Variants in SGIP1 observed in about 807,000 individuals in gnomAD.
SGIP1 encodes the protein SH3-containing GRB2-like protein 3-interacting protein 1.
A neutral mutation model predicts 107.5 loss-of-function variants in SGIP1; 38 were observed. The ratio of observed to expected loss-of-function variants is 0.35; its 90% CI spans 0.27 to 0.46. The LOEUF is 0.46. SGIP1 is among the 20% of genes least tolerant of loss of function. The pLI is 1.00. For missense variants in SGIP1, 929 were observed against 1,019.5 expected (o/e 0.91, Z 1.21); for synonymous variants, 365 against 366.1 (o/e 1.00, Z 0.03).
chr1:66,550,168 C>T (rs771444786), intron 1 of SGIP1, among the ~76,000 whole-genome samples: 1 of 152,144 alleles, frequency 6.6e-6, no homozygotes, highest in Non-Finnish European at 1.5e-5. Context: ...GGCCATAAAT[C>T]TAATCTTCAG....
chr1:66,700,100 G>A (rs1418350276), intron 18 of SGIP1, among the ~76,000 whole-genome samples: 1 of 152,152 alleles, frequency 6.6e-6, no homozygotes, highest in Non-Finnish European at 1.5e-5. Context: ...GTGGAGCGCA[G>A]TGGCTCACGC....
At chr1:66,733,639 T>C (rs2094114627) in intron 20 of SGIP1, 109 bp from the exon 21 acceptor site, 1 of 1,145,670 alleles carries the variant, frequency 8.7e-7, no homozygotes, top group South Asian at 1.6e-5. Flanking sequence ...CTCTACAAAT[T>C]GTCAAAAAAT....
chr1:66,573,094 G>T (rs1341459122), intron 1 of SGIP1, among the ~76,000 whole-genome samples: 3 of 151,990 alleles, frequency 2.0e-5, no homozygotes, highest in Non-Finnish European at 2.9e-5. Context: ...TTGGTGTAGG[G>T]TTTCTTCGTG....
intron 5 of SGIP1, among the ~76,000 whole-genome samples, chr1:66,640,315 C>T (rs2076539388): frequency 6.6e-6 from 1 of 152,162 alleles, no homozygotes; most frequent in African/African-American, 2.4e-5. Context: ...CCTGCCTAGC[C>T]TGTAGTATTT....
intron 16 of SGIP1, among the ~76,000 whole-genome samples, 168 bp from the exon 17 acceptor site, chr1:66,690,022 A>G (rs765312414): frequency 6.6e-6 from 1 of 152,246 alleles, no homozygotes; most frequent in Non-Finnish European, 1.5e-5. Context: ...CTCCAGCTCC[A>G]TTCCACAAAC....
At chr1:66,617,389 C>G (rs2069636838) in intron 1 of SGIP1, among the ~76,000 whole-genome samples, 1 of 152,116 alleles carries the variant, frequency 6.6e-6, no homozygotes, top group South Asian at 2.1e-4. Flanking sequence ...CTTCTGATGA[C>G]AAAGAATCTG....
intron 1 of SGIP1, among the ~76,000 whole-genome samples, chr1:66,589,788 A>G (rs1356527975): frequency 6.6e-6 from 1 of 152,138 alleles, no homozygotes; most frequent in African/African-American, 2.4e-5. Flanking sequence ...TAAACCCTCC[A>G]TGGCCTATAC....
intron 3 of SGIP1, 101 bp downstream of exon 3, chr1:66,633,195 C>T (rs1436062181): frequency 2.6e-6 from 2 of 772,162 alleles, no homozygotes; most frequent in Non-Finnish European, 4.4e-6. Flanking sequence ...AAAAAAATAG[C>T]TTGAATGACT....
intron 7 of SGIP1, 157 bp downstream of exon 7, chr1:66,643,876 G>C (rs2077193363): frequency 1.7e-6 from 1 of 578,382 alleles, no homozygotes. Flanking sequence ...ATTCTAGCTT[G>C]AGAAAATTGT....
intron 18 of SGIP1, among the ~76,000 whole-genome samples, chr1:66,716,054 G>C (rs1183679041): frequency 6.6e-6 from 1 of 152,062 alleles, no homozygotes; most frequent in East Asian, 1.9e-4. Flanking sequence ...CATCATCCCT[G>C]CCAAAGATCA....
At chr1:66,661,654 T>G (rs116221741) in intron 8 of SGIP1, among the ~76,000 whole-genome samples, 24 of 152,342 alleles carry the variant, frequency 1.6e-4, no homozygotes, top group Non-Finnish European at 2.8e-4. Context: ...AGCAAAATAT[T>G]ACTGGTGCTC....
intron 8 of SGIP1, among the ~76,000 whole-genome samples, chr1:66,662,053 A>G (rs185422048): frequency 6.6e-6 from 1 of 152,342 alleles, no homozygotes; most frequent in East Asian, 1.9e-4. Flanking sequence ...AACTTGTAAT[A>G]TGTAGTCGAC....
chr1:66,678,179 C>T (rs2085813688), intron 13 of SGIP1, among the ~76,000 whole-genome samples: 1 of 152,178 alleles, frequency 6.6e-6, no homozygotes, highest in Non-Finnish European at 1.5e-5. Flanking sequence ...CCCTGCAAAA[C>T]AAAACTAGTG....
intron 1 of SGIP1, among the ~76,000 whole-genome samples, chr1:66,537,343 T>C (rs2053863123): frequency 1.3e-5 from 2 of 152,144 alleles, no homozygotes; most frequent in Non-Finnish European, 2.9e-5. Context: ...TTATTAACTA[T>C]GGAGTGTACA....
intron 5 of SGIP1, among the ~76,000 whole-genome samples, chr1:66,641,819 G>C (rs2076848068): frequency 6.6e-6 from 1 of 152,054 alleles, no homozygotes; most frequent in Admixed American, 6.6e-5. Context: ...GGGAGTACCA[G>C]CACTCTCCCA....
chr1:66,644,142 G>A (rs2077246704), intron 7 of SGIP1: 2 of 152,206 alleles, frequency 1.3e-5, no homozygotes, highest in Non-Finnish European at 2.9e-5. Context: ...GAAGGAAACT[G>A]GTTATTTTTT....
intron 1 of SGIP1, among the ~76,000 whole-genome samples, chr1:66,555,666 G>A (rs1053979183): frequency 2.6e-5 from 4 of 152,116 alleles, no homozygotes; most frequent in African/African-American, 7.2e-5. Flanking sequence ...TAGTTTCAGA[G>A]AATTGCTTTG....
intron 1 of SGIP1, among the ~76,000 whole-genome samples, chr1:66,611,711 C>A (rs1181509777): frequency 1.3e-5 from 2 of 152,096 alleles, no homozygotes; most frequent in Non-Finnish European, 2.9e-5. Context: ...AAGAAAGAGA[C>A]CTAACAGCAC....
chr1:66,727,170 T>C (rs548876164), intron 19 of SGIP1, among the ~76,000 whole-genome samples: 2 of 152,296 alleles, frequency 1.3e-5, no homozygotes, highest in South Asian at 2.1e-4. Context: ...CTGCAAATTA[T>C]ATATCTGATA....
Sources: allele counts gnomAD v4.1 joint callset (sites outside exome capture counted in the v4.1 genomes callset), GRCh38; gene constraint gnomAD v4.1.1; transcripts MANE v1.5; gene names NCBI Gene and HGNC (gene_info 2026-07-23, HGNC 2026-07-21).